HDAC4: variants seen among roughly 807,000 people sequenced by gnomAD.
The protein encoded by HDAC4 is histone deacetylase A.
In HDAC4, 16 loss-of-function variants were observed where a neutral mutation model predicts 135.1. That is an observed-to-expected ratio of 0.12 (90% confidence interval 0.08 to 0.18). HDAC4 has a LOEUF of 0.18. Among genes scored for constraint, HDAC4 ranks in the 10% least tolerant of loss-of-function variants. The probability of loss-of-function intolerance (pLI) is 1.00; values close to 1 mark genes in which losing one functional copy is unlikely to be tolerated. For missense variants in HDAC4, 1,143 were observed against 1,511.8 expected, an observed-to-expected ratio of 0.76 and a Z score of 4.05; for synonymous variants, 685 against 653.4, an observed-to-expected ratio of 1.05 and a Z score of -0.74.
chr2:239,119,315 G>A (rs1400815734), intron 12 of HDAC4, among the ~76,000 whole-genome samples: 3 of 152,220 alleles, frequency 2.0e-5, no homozygotes, highest in Non-Finnish European at 4.4e-5. Context: ...TGAGGAGCAG[G>A]AGGGATTCGG....
intron 3 of HDAC4, among the ~76,000 whole-genome samples, chr2:239,212,485 G>C (rs1416447768): frequency 6.6e-6 from 1 of 152,200 alleles, no homozygotes; most frequent in Non-Finnish European, 1.5e-5. Flanking sequence ...GCCAGTCGGG[G>C]GCTGGCTGAC....
intron 7 of HDAC4, 124 bp from the exon 8 acceptor site, chr2:239,144,838 T>G (rs916565987): frequency 1.0e-6 from 1 of 955,222 alleles, no homozygotes. Flanking sequence ...GCTGTGTTGC[T>G]GCAGGGGAGA....
chr2:239,236,171 C>T (rs74539086), intron 3 of HDAC4, among the ~76,000 whole-genome samples: 1 of 152,224 alleles, frequency 6.6e-6, no homozygotes, highest in African/African-American at 2.4e-5. Flanking sequence ...CTCATTTAAC[C>T]AACAAAAGCT....
At chr2:239,291,726 A>G (rs993762500) in intron 2 of HDAC4, among the ~76,000 whole-genome samples, 2 of 152,200 alleles carry the variant, frequency 1.3e-5, no homozygotes, top group Non-Finnish European at 2.9e-5. Flanking sequence ...GGGAAGGGCA[A>G]TATCTATGTA....
chr2:239,126,102 C>A (rs532876803), intron 12 of HDAC4, among the ~76,000 whole-genome samples: 1 of 152,248 alleles, frequency 6.6e-6, no homozygotes, highest in Non-Finnish European at 1.5e-5. Flanking sequence ...CTATTCCATT[C>A]GCTGGCACTG....
At chr2:239,118,012 G>C (rs892049103) in intron 12 of HDAC4, among the ~76,000 whole-genome samples, 2 of 152,158 alleles carry the variant, frequency 1.3e-5, no homozygotes, top group African/African-American at 2.4e-5. Context: ...TACGGGGCAC[G>C]GGTTGGTGGG....
At chr2:239,083,957 C>A (rs534578525) in intron 20 of HDAC4, among the ~76,000 whole-genome samples, 198 bp downstream of exon 20, 2 of 152,256 alleles carry the variant, frequency 1.3e-5, no homozygotes, top group Admixed American at 1.3e-4. Context: ...GGACCCCATT[C>A]GCCAGGGTCG....
chr2:239,126,332 G>A, intron 12 of HDAC4, 124 bp downstream of exon 12: 12 of 1,516,528 alleles, frequency 7.9e-6, no homozygotes, highest in South Asian at 2.3e-5. Flanking sequence ...GTGCCTCCTC[G>A]GTTCCCTCTT....
intron 2 of HDAC4, among the ~76,000 whole-genome samples, chr2:239,255,406 T>C (rs2048996861): frequency 6.6e-6 from 1 of 152,168 alleles, no homozygotes; most frequent in Non-Finnish European, 1.5e-5. Context: ...GCTTCCCTTT[T>C]TCCTTTGACA....
At chr2:239,119,452 T>C (rs1030376045) in intron 12 of HDAC4, among the ~76,000 whole-genome samples, 4 of 151,748 alleles carry the variant, frequency 2.6e-5, no homozygotes, top group Non-Finnish European at 5.9e-5. Flanking sequence ...GCTGAGGACA[T>C]GGGGACAGGA....
In HDAC4 at chr2:239,087,684, G is replaced by A. The variant is rs2036113354; in HGVS notation, c.2389-70C>T. On this transcript the variant is annotated intron_variant, in intron 18 of 26. Transcript: ENST00000543185. Reference sequence around the variant, plus strand: ...ACTTTGTAGCCACGGGAAAATGGTTGCACACTCAACTTTTAGCAGAGTTGG... The same window carrying A: ...ACTTTGTAGCCACGGGAAAATGGTTACACACTCAACTTTTAGCAGAGTTGG... 4 of 1,446,254 alleles carry A rather than the reference G, an allele frequency of 2.8e-6. No homozygotes were observed. In the African/African-American group the frequency reaches 4.2e-5, roughly 15 times the overall value. The allele number at this position is 1,446,254 out of a possible 1,614,324, so 89.6% of individuals were successfully genotyped here. A position where few individuals can be genotyped will look rare whatever the true frequency, so the allele number is the denominator to read the frequency against.
intron 2 of HDAC4, among the ~76,000 whole-genome samples, chr2:239,270,475 T>C (rs778964191): frequency 4.0e-5 from 6 of 151,852 alleles, no homozygotes; most frequent in Admixed American, 2.6e-4. Flanking sequence ...TAAAATGAGA[T>C]AGAATGAGGC....
intron 3 of HDAC4, among the ~76,000 whole-genome samples, chr2:239,198,870 T>A (rs2045574184): frequency 6.6e-6 from 1 of 152,154 alleles, no homozygotes; most frequent in African/African-American, 2.4e-5. Flanking sequence ...CATCCACCAC[T>A]TCCCCACCTT....
At chr2:239,216,358 C>G (rs1217816802) in intron 3 of HDAC4, among the ~76,000 whole-genome samples, 1 of 152,008 alleles carries the variant, frequency 6.6e-6, no homozygotes, top group East Asian at 1.9e-4. Context: ...AACCTTGGCA[C>G]TAAGAGCTGA....
intron 7 of HDAC4, among the ~76,000 whole-genome samples, chr2:239,148,049 G>A (rs576420067): frequency 1.8e-4 from 28 of 152,338 alleles, no homozygotes; most frequent in African/African-American, 6.7e-4. Flanking sequence ...CGGTTTCTTT[G>A]TGGGCCTGAT....
chr2:239,209,033 C>T (rs115546260), intron 3 of HDAC4, among the ~76,000 whole-genome samples: 6,857 of 152,228 alleles, frequency 0.045, 229 homozygotes, highest in Non-Finnish European at 0.071. Flanking sequence ...CGCGCCATCA[C>T]GCATGGCTAG....
At chr2:239,244,927 G>A (rs1042522957) in intron 2 of HDAC4, among the ~76,000 whole-genome samples, 3 of 152,136 alleles carry the variant, frequency 2.0e-5, no homozygotes, top group Non-Finnish European at 4.4e-5. Context: ...TTATAGCCTC[G>A]AGCATCCCAG....
intron 4 of HDAC4, among the ~76,000 whole-genome samples, chr2:239,179,902 A>G (rs1393538282): frequency 2.0e-5 from 3 of 152,246 alleles, no homozygotes; most frequent in Admixed American, 6.5e-5. Flanking sequence ...GAACCTGCAC[A>G]TCAACGTGCT....
At position 239,349,694 on chromosome 2, in the gene HDAC4, C is replaced by T. The variant is rs1692981302; in HGVS notation, c.22+2984G>A. On this transcript the variant is annotated intron_variant, in intron 2 of 26. Transcript: ENST00000543185. This position sits in a 1 kb window ranked among gnomAD's most constrained non-coding sequence, Gnocchi z 5.7. ...CAGGTGGTGGTATGCACGTGTTGGG[C>T]ACAAGGGGTCCTGCCTCCCAAGGGA... Among the ~76,000 whole-genome samples the T allele has an allele frequency of 6.6e-6, 1 of 152,234 alleles. No individual in the cohort carries two copies. Among genetic ancestry groups the T allele is most frequent in the South Asian group, 2.1e-4 (1 of 4,834 alleles).
Sources: allele counts gnomAD v4.1 joint callset (sites outside exome capture counted in the v4.1 genomes callset), GRCh38; gene constraint gnomAD v4.1.1; non-coding constraint Gnocchi (gnomAD v3.1); transcripts MANE v1.5; gene names NCBI Gene and HGNC (gene_info 2026-07-23, HGNC 2026-07-21).